The following FRAS1 variants were observed in gnomAD, a reference collection of about 807,000 sequenced individuals.
FRAS1 encodes Fraser extracellular matrix complex subunit 1.
FRAS1 carries 290 observed loss-of-function variants against 435.2 expected under a neutral mutation model. That is an observed-to-expected ratio of 0.67 (90% CI 0.61 to 0.73). The LOEUF is 0.73. FRAS1 is among the 30% of genes least tolerant of loss of function. The probability of loss-of-function intolerance (pLI) is 0.00; values close to 1 mark genes in which losing one functional copy is unlikely to be tolerated. For synonymous variants in FRAS1, 1,800 were observed against 1,851.0 expected (o/e 0.97, Z 0.71); for missense variants, 4,860 against 5,001.5 (o/e 0.97, Z 0.85).
intron 67 of FRAS1, among the ~76,000 whole-genome samples, chr4:78,519,815 G>T (rs78462474): frequency 2.0e-5 from 3 of 152,168 alleles, no homozygotes; most frequent in Non-Finnish European, 2.9e-5. Flanking sequence ...GTGAAAAATT[G>T]TGTGGTTCTT....
chr4:78,128,827 C>T (rs1578142789), intron 2 of FRAS1, among the ~76,000 whole-genome samples: 1 of 152,170 alleles, frequency 6.6e-6, no homozygotes, highest in South Asian at 2.1e-4. Flanking sequence ...GAAGTCCTTG[C>T]CCATGCCTAT....
At chr4:78,181,799 G>C (rs1722016280) in intron 2 of FRAS1, 1 of 1,612,112 alleles carries the variant, frequency 6.2e-7, no homozygotes, top group Admixed American at 1.7e-5. Context: ...AACGCTGCGG[G>C]GCAGCGGGTT....
intron 2 of FRAS1, among the ~76,000 whole-genome samples, chr4:78,083,884 CA>C (rs1258707103): frequency 6.6e-6 from 1 of 152,006 alleles, no homozygotes; most frequent in Non-Finnish European, 1.5e-5. Flanking sequence ...ATATCTAATT[CA>C]CTATTTAGAT....
chr4:78,362,024 G>A (rs1731089833), intron 20 of FRAS1, among the ~76,000 whole-genome samples: 1 of 152,156 alleles, frequency 6.6e-6, no homozygotes, highest in South Asian at 2.1e-4. Flanking sequence ...ACACAATCAA[G>A]TTCTTTATTA....
intron 2 of FRAS1, among the ~76,000 whole-genome samples, chr4:78,131,765 T>G (rs765274587): frequency 5.3e-5 from 8 of 152,208 alleles, no homozygotes; most frequent in Non-Finnish European, 1.2e-4. Flanking sequence ...AAGTGACTGG[T>G]AGCATACAAT....
At chr4:78,260,278 G>A (rs1478104435) in intron 6 of FRAS1, among the ~76,000 whole-genome samples, 9 of 151,714 alleles carry the variant, frequency 5.9e-5, no homozygotes, top group Admixed American at 1.3e-4. Context: ...CATTGAATCT[G>A]TAAATTACCT....
chr4:78,255,108 T>C (rs1471078728), intron 5 of FRAS1, 134 bp from the exon 6 acceptor site: 9 of 823,998 alleles, frequency 1.1e-5, no homozygotes, highest in Non-Finnish European at 6.1e-6. Flanking sequence ...CTGCAGAGCA[T>C]TGAACACCAA....
intron 31 of FRAS1, among the ~76,000 whole-genome samples, chr4:78,411,658 C>T (rs756121613): frequency 2.0e-5 from 3 of 152,150 alleles, no homozygotes; most frequent in African/African-American, 7.2e-5. Context: ...TCAAAACAGA[C>T]CAACACATCT....
intron 29 of FRAS1, among the ~76,000 whole-genome samples, chr4:78,397,515 G>A (rs757350204): frequency 6.6e-6 from 1 of 152,164 alleles, no homozygotes; most frequent in Non-Finnish European, 1.5e-5. Flanking sequence ...AGTGTGGGGT[G>A]CTGGCTATGG....
At chr4:78,126,874 G>A (rs572413535) in intron 2 of FRAS1, among the ~76,000 whole-genome samples, 2 of 152,096 alleles carry the variant, frequency 1.3e-5, no homozygotes, top group Non-Finnish European at 2.9e-5. Context: ...GTCAGTTTTT[G>A]TTCCAATTAC....
intron 61 of FRAS1, among the ~76,000 whole-genome samples, chr4:78,502,137 G>A (rs1720702731): frequency 6.6e-6 from 1 of 152,168 alleles, no homozygotes; most frequent in Admixed American, 6.5e-5. Context: ...AGTATAGTTT[G>A]AAGTCAGGTA....
chr4:78,249,048 GATATATATATATATGCATATATATAT>G (rs1253884770), intron 4 of FRAS1, among the ~76,000 whole-genome samples: 1 of 27,530 alleles, frequency 3.6e-5, no homozygotes, highest in Non-Finnish European at 8.6e-5. Context: ...AAGAACTACT[GATATATATATATATGCATATATATAT>G]ATATATATAT....
Position 78,522,824 on chromosome 4 carries a change from G to A in FRAS1, c.10808+16G>A. The A allele has an allele frequency of 6.3e-7, 1 of 1,587,304 alleles. No homozygotes were observed. On this transcript the variant is annotated intron_variant, in intron 69 of 73. Transcript: ENST00000512123. ...CTTATAACAGGTAAATACAGTGATG[G>A]AGGCCTCCATGGGTAGAGCTGAATG...
intron 9 of FRAS1, among the ~76,000 whole-genome samples, chr4:78,277,318 T>C (rs975502400): frequency 6.6e-6 from 1 of 152,166 alleles, no homozygotes; most frequent in Non-Finnish European, 1.5e-5. Context: ...CTGCATCCAC[T>C]GTCCTGCACC....
Position 78,363,520 on chromosome 4 carries a change from T to A in FRAS1, c.2430T>A (p.His810Gln). Residue 810 changes from histidine to glutamine, a missense_variant, in exon 21 of 74, where the codon CAT (histidine) becomes CAA (glutamine). Coordinates refer to ENST00000512123, the MANE Select transcript of FRAS1 (RefSeq NM_025074.7). ...CTCCCCTTCCCCCTCCAGACTGCCA[T>A]CACCTGTGCCAGCACTGTGCAGCTG... ...LNLVGYCADCHHLCQHCAADL... is the reference protein window; with the variant it reads ...LNLVGYCADCQHLCQHCAADL... The A allele has an allele frequency of 2.0e-5, 33 of 1,610,576 alleles. No individual in the cohort carries two copies. The highest frequency in any genetic ancestry group is 2.8e-5 in the Non-Finnish European group (33 of 1,177,978).
At chr4:78,247,409 A>T in intron 4 of FRAS1, among the ~76,000 whole-genome samples, 1 of 152,200 alleles carries the variant, frequency 6.6e-6, no homozygotes, top group East Asian at 1.9e-4. Flanking sequence ...AAAAATCTCT[A>T]GTGGATTGCT....
At chr4:78,249,165 G>A (rs1235240858) in intron 4 of FRAS1, among the ~76,000 whole-genome samples, 1 of 144,020 alleles carries the variant, frequency 6.9e-6, no homozygotes, top group African/African-American at 2.5e-5. Flanking sequence ...TCTGGGGAAG[G>A]AGGTGTCACT....
intron 2 of FRAS1, among the ~76,000 whole-genome samples, chr4:78,067,656 CT>C (rs10713099): frequency 0.28 from 38,356 of 137,322 alleles, 5,704 homozygotes; most frequent in East Asian, 0.49. Flanking sequence ...GTTTCTTTTT[CT>C]TTTTTTTTCT....
At chr4:78,109,368 G>A (rs1214480528) in intron 2 of FRAS1, among the ~76,000 whole-genome samples, 10 of 142,090 alleles carry the variant, frequency 7.0e-5, no homozygotes, top group South Asian at 2.4e-4. Context: ...CTGGCAAACC[G>A]AATCCAGCAG....
Sources: gnomAD v4.1 joint callset for allele counts (sites outside exome capture counted in the v4.1 genomes callset) on GRCh38, gnomAD v4.1.1 for gene constraint, MANE v1.5 for transcripts, NCBI Gene and HGNC (gene_info 2026-07-23, HGNC 2026-07-21) for gene names.